The following SCP2 variants were observed in gnomAD, a reference collection of about 807,000 sequenced individuals.
The protein encoded by SCP2 is sterol carrier protein 2.
A neutral mutation model predicts 71.4 loss-of-function variants in SCP2; 48 were observed. The ratio of observed to expected loss-of-function variants is 0.67; its 90% CI spans 0.53 to 0.86. SCP2 has a LOEUF of 0.86. Among genes scored for constraint, SCP2 ranks in the 40% least tolerant of loss-of-function variants. SCP2 has a pLI of 0.00. For synonymous variants in SCP2, 220 were observed against 218.1 expected, an observed-to-expected ratio of 1.01 and a Z score of -0.08; for missense variants, 560 against 655.6, an observed-to-expected ratio of 0.85 and a Z score of 1.59.
At chr1:52,991,862 C>G (rs1221411688) in intron 11 of SCP2, among the ~76,000 whole-genome samples, 2 of 151,894 alleles carry the variant, frequency 1.3e-5, no homozygotes, top group African/African-American at 4.8e-5. Flanking sequence ...GACTGTTGTA[C>G]ACACTTGATA....
chr1:53,032,529 C>T (rs540776714), intron 13 of SCP2, among the ~76,000 whole-genome samples: 1 of 152,186 alleles, frequency 6.6e-6, no homozygotes, highest in South Asian at 2.1e-4. Context: ...TGAGTAAGGG[C>T]ATGGAGGCAT....
At chr1:53,000,163 C>G (rs1460482344) in intron 11 of SCP2, among the ~76,000 whole-genome samples, 3 of 149,810 alleles carry the variant, frequency 2.0e-5, no homozygotes, top group Non-Finnish European at 4.4e-5. Context: ...CCCATAATCC[C>G]AGCACTTTGT....
intron 10 of SCP2, among the ~76,000 whole-genome samples, chr1:52,987,002 ATATAT>A (rs1200487172): frequency 6.0e-4 from 56 of 92,754 alleles, no homozygotes; most frequent in African/African-American, 2.6e-3. Flanking sequence ...ATATATATAT[ATATAT>A]TTTTTTTTTT....
chr1:53,047,977 C>A, intron 15 of SCP2, 40 bp downstream of exon 15: 1 of 1,330,322 alleles, frequency 7.5e-7, no homozygotes, highest in South Asian at 1.2e-5. Flanking sequence ...GTAGGTAGGT[C>A]TTTCAGCCCT....
At chr1:53,003,642 C>G (rs552535120) in intron 11 of SCP2, among the ~76,000 whole-genome samples, 1 of 152,170 alleles carries the variant, frequency 6.6e-6, no homozygotes, top group Non-Finnish European at 1.5e-5. Context: ...GCCTCAGTCT[C>G]CCAAGTAGCT....
chr1:53,007,890 A>T (rs1660731901), intron 11 of SCP2, among the ~76,000 whole-genome samples: 1 of 152,194 alleles, frequency 6.6e-6, no homozygotes, highest in African/African-American at 2.4e-5. Context: ...AGCAAGACTA[A>T]TACAGAAGAA....
rs145369060 is a variant in SCP2 at position 53,011,404 on chromosome 1, A to G, written c.1082-3486A>G. On this transcript the variant is annotated intron_variant, in intron 11 of 15. Coordinates refer to ENST00000371514, the MANE Select transcript of SCP2 (RefSeq NM_002979.5). ...TTATCTTTGTTAGCACTTTGCATTT[A>G]CATTACACTGTGAATCCTCTGTTAT... 1.1e-3 allele frequency among the ~76,000 whole-genome samples: 169 copies of G among 152,346 alleles called. 1 individual carries two copies. In the East Asian group the frequency reaches 0.024, roughly 22 times the overall value.
At chr1:52,936,170 A>G (rs927549202) in intron 1 of SCP2, among the ~76,000 whole-genome samples, 3 of 152,250 alleles carry the variant, frequency 2.0e-5, no homozygotes, top group Non-Finnish European at 2.9e-5. Context: ...TATTTTTCAT[A>G]GAAATTATTT....
At chr1:53,005,004 A>T (rs1572174488) in intron 11 of SCP2, among the ~76,000 whole-genome samples, 2 of 152,142 alleles carry the variant, frequency 1.3e-5, no homozygotes, top group African/African-American at 4.8e-5. Flanking sequence ...AGGGTCCCAC[A>T]CCCATGGAGC....
At chr1:53,002,169 A>G (rs1255487606) in intron 11 of SCP2, among the ~76,000 whole-genome samples, 1 of 151,086 alleles carries the variant, frequency 6.6e-6, no homozygotes, top group Non-Finnish European at 1.5e-5. Context: ...CCTGGGTGAC[A>G]GAGTGAGACT....
intron 11 of SCP2, among the ~76,000 whole-genome samples, chr1:53,011,610 G>A (rs1376949660): frequency 2.6e-5 from 4 of 152,178 alleles, no homozygotes; most frequent in Non-Finnish European, 5.9e-5. Context: ...CAGTTGGTTG[G>A]AAGTACAGGT....
intron 1 of SCP2, among the ~76,000 whole-genome samples, chr1:52,931,007 TTAAA>T (rs1653102787): frequency 6.6e-6 from 1 of 152,224 alleles, no homozygotes; most frequent in African/African-American, 2.4e-5. Flanking sequence ...AACAAGTAGT[TTAAA>T]TAAGATTATT....
intron 13 of SCP2, among the ~76,000 whole-genome samples, chr1:53,032,042 C>T (rs1226649989): frequency 6.6e-6 from 1 of 152,198 alleles, no homozygotes; most frequent in Non-Finnish European, 1.5e-5. Context: ...CTCAGGTGGC[C>T]TAGCACACTA....
Position 52,978,247 on chromosome 1 carries a change from T to G in SCP2, c.705T>G (p.Ile235Met). The change falls in exon 9 of 16, where the codon ATT (isoleucine) becomes ATG (methionine). Residue 235 changes from isoleucine (I) to methionine (M), a missense_variant. Physicochemically the swap from Ile to Met is conservative, Grantham distance 10. Transcript: ENST00000371514. ...CPTSDGAAAAILASEAFVQKY... is the reference protein window; with the variant it reads ...CPTSDGAAAAMLASEAFVQKY... ...CTTCAGATGGTGCTGCAGCAGCAATTTTGGCCAGTGAAGCATTTGTACAGA... is the reference window on the plus strand; with the variant it reads ...CTTCAGATGGTGCTGCAGCAGCAATGTTGGCCAGTGAAGCATTTGTACAGA... 6.2e-7 allele frequency: 1 copy of G among 1,614,054 alleles called. No homozygotes were observed.
At position 52,978,234 on chromosome 1, in the gene SCP2, C is replaced by G. The variant is rs767388459; in HGVS notation, c.692C>G (p.Ala231Gly). The G allele has an allele frequency of 5.6e-6, 9 of 1,613,740 alleles. No individual in the cohort carries two copies. The highest frequency in any genetic ancestry group is 7.6e-6 in the Non-Finnish European group (9 of 1,179,856). ...CCTCTTAGTCCCACTTCAGATGGTG[C>G]TGCAGCAGCAATTTTGGCCAGTGAA... ...ILQCCPTSDGAAAAILASEAF... is the reference protein window; with the variant it reads ...ILQCCPTSDGGAAAILASEAF... Residue 231 changes from alanine to glycine, a missense_variant, in exon 9 of 16, where the codon GCT becomes GGT. Physicochemically the swap from Ala to Gly is moderately conservative, Grantham distance 60. Around this residue, in one of 3 missense-constraint regions of SCP2, gnomAD observed 513 missense variants for 573.1 expected, o/e 0.90. Transcript: ENST00000371514.
At chr1:53,018,038 A>G (rs776277881) in intron 12 of SCP2, among the ~76,000 whole-genome samples, 3 of 152,090 alleles carry the variant, frequency 2.0e-5, no homozygotes, top group Non-Finnish European at 4.4e-5. Flanking sequence ...TATTTGTAGT[A>G]AAGACAGGGT....
In SCP2 at chr1:53,029,587, A is replaced by C. The variant is rs77549459; in HGVS notation, c.1338+1516A>C. Among the ~76,000 whole-genome samples, 943 of 152,364 alleles carry C rather than the reference A, an allele frequency of 6.2e-3. 15 individuals carry two copies. The highest frequency in any genetic ancestry group is 0.022 in the African/African-American group (907 of 41,576). ...CGTTAGAGCCATGGTGTGAAAGGCAAACATTGTGCTTATCTCATAACCCTT... is the reference window on the plus strand; with the variant it reads ...CGTTAGAGCCATGGTGTGAAAGGCACACATTGTGCTTATCTCATAACCCTT... On this transcript the variant is annotated intron_variant, in intron 13 of 15. Transcript: ENST00000371514.
At chr1:53,047,606 G>T (rs1346033194) in intron 14 of SCP2, among the ~76,000 whole-genome samples, 6 of 152,176 alleles carry the variant, frequency 3.9e-5, no homozygotes, top group Non-Finnish European at 5.9e-5. Flanking sequence ...TCTTATTGTG[G>T]CTTGTATCAT....
At chr1:52,961,840 C>T (rs1013284770) in intron 6 of SCP2, among the ~76,000 whole-genome samples, 7 of 152,124 alleles carry the variant, frequency 4.6e-5, no homozygotes, top group Non-Finnish European at 1.0e-4. Context: ...ACCTAGAGTA[C>T]TCTATAGCAG....
Sources: allele counts gnomAD v4.1 joint callset (sites outside exome capture counted in the v4.1 genomes callset), GRCh38; gene constraint gnomAD v4.1.1; regional missense constraint gnomAD v4.1.1; transcripts MANE v1.5; gene names NCBI Gene and HGNC (gene_info 2026-07-23, HGNC 2026-07-21).